Variants in GMDS observed in about 807,000 individuals in gnomAD.
The protein encoded by GMDS is GDP-mannose 4,6 dehydratase.
A neutral mutation model predicts 49.9 loss-of-function variants in GMDS; 20 were observed. That is an observed-to-expected ratio of 0.40 (90% CI 0.28 to 0.58). The LOEUF is 0.58. Ranked by LOEUF, GMDS falls within the 20% of genes least tolerant of loss-of-function variation. The pLI, the probability that GMDS is intolerant of heterozygous loss-of-function variation, is 0.42. For synonymous variants in GMDS, 177 were observed against 178.6 expected (o/e 0.99, Z 0.07); for missense variants, 362 against 481.4 (o/e 0.75, Z 2.32).
At chr6:2,117,637 A>G (rs915235687) in intron 2 of GMDS, 81 bp from the exon 3 acceptor site, 2 of 777,300 alleles carry the variant, frequency 2.6e-6, no homozygotes, top group African/African-American at 1.7e-5. Context: ...AGCTTTATGA[A>G]AAAAATGATT....
Position 1,836,217 on chromosome 6 carries a change from T to C in GMDS, c.772-93631A>G, listed in dbSNP as rs1286912683. The stretch of plus-strand genomic sequence containing the variant: ...TTTTTGATTCACTAGTATCTTGTCA[T>C]GCCTGATAGTCTCTTTTAAAGTCTC... On this transcript the variant is annotated intron_variant, in intron 7 of 10. Coordinates refer to ENST00000380815, the MANE Select transcript of GMDS (RefSeq NM_001500.4). The surrounding 1 kb of genome is among the most constrained non-coding windows in gnomAD (Gnocchi z 4.2). Among the ~76,000 whole-genome samples the C allele has an allele frequency of 6.6e-6, 1 of 152,218 alleles. No homozygotes were observed. Among genetic ancestry groups the C allele is most frequent in the Non-Finnish European group, 1.5e-5 (1 of 68,024 alleles).
chr6:2,135,227 T>G (rs1406090424), intron 1 of GMDS, among the ~76,000 whole-genome samples: 1 of 152,170 alleles, frequency 6.6e-6, no homozygotes, highest in East Asian at 1.9e-4. Flanking sequence ...AAAATAATAT[T>G]TCAAATTTAA....
intron 9 of GMDS, among the ~76,000 whole-genome samples, chr6:1,717,339 G>C (rs2113411813): frequency 6.6e-6 from 1 of 152,356 alleles, no homozygotes; most frequent in East Asian, 1.9e-4. Flanking sequence ...GGTTTTTGCA[G>C]ACAGGTTTCC....
At chr6:1,670,967 T>C (rs1459650178) in intron 9 of GMDS, among the ~76,000 whole-genome samples, 1 of 152,244 alleles carries the variant, frequency 6.6e-6, no homozygotes, top group African/African-American at 2.4e-5. Context: ...AGAGTTTTGC[T>C]GTCACCTCAT....
At chr6:1,728,635 G>A (rs1463789523) in intron 8 of GMDS, among the ~76,000 whole-genome samples, 3 of 152,114 alleles carry the variant, frequency 2.0e-5, no homozygotes, top group African/African-American at 4.8e-5. Context: ...TATTTAAATC[G>A]ACAAAGCCTT....
intron 7 of GMDS, among the ~76,000 whole-genome samples, chr6:1,783,079 T>C (rs1159252640): frequency 6.6e-6 from 1 of 152,094 alleles, no homozygotes; most frequent in Non-Finnish European, 1.5e-5. Flanking sequence ...CACTCGAGCC[T>C]GGGAGGTCAA....
chr6:1,759,046 T>C (rs1399739593), intron 7 of GMDS, among the ~76,000 whole-genome samples: 4 of 152,074 alleles, frequency 2.6e-5, no homozygotes, highest in Non-Finnish European at 4.4e-5. Context: ...CCTCAGCCTC[T>C]AGAGTAGCTG....
At chr6:1,675,919 G>A (rs1217376813) in intron 9 of GMDS, among the ~76,000 whole-genome samples, 2 of 150,872 alleles carry the variant, frequency 1.3e-5, no homozygotes, top group Non-Finnish European at 2.9e-5. Context: ...TACCATCAGA[G>A]AATACTATAA....
chr6:1,921,850 G>C (rs2146919), intron 7 of GMDS, among the ~76,000 whole-genome samples: 16,386 of 152,180 alleles, frequency 0.11, 942 homozygotes, highest in South Asian at 0.18. Context: ...TTTTCAAAGA[G>C]AGTATATTAA....
intron 1 of GMDS, among the ~76,000 whole-genome samples, chr6:2,166,122 C>T (rs546389055): frequency 1.3e-5 from 2 of 152,142 alleles, no homozygotes; most frequent in African/African-American, 2.4e-5. Context: ...AAACAGAGAA[C>T]GTGAGCATTC....
chr6:1,765,503 G>A (rs1255419283), intron 7 of GMDS, among the ~76,000 whole-genome samples: 3 of 152,160 alleles, frequency 2.0e-5, no homozygotes, highest in Non-Finnish European at 2.9e-5. Context: ...ATATTCATTC[G>A]CATTGTTTCA....
At chr6:1,720,810 G>A (rs1766357595) in intron 9 of GMDS, among the ~76,000 whole-genome samples, 1 of 152,164 alleles carries the variant, frequency 6.6e-6, no homozygotes, top group Non-Finnish European at 1.5e-5. Context: ...AGGTCAGAAG[G>A]AGCAGGAGCG....
At chr6:2,126,691 G>A (rs1470120865) in intron 1 of GMDS, among the ~76,000 whole-genome samples, 1 of 152,144 alleles carries the variant, frequency 6.6e-6, no homozygotes, top group Non-Finnish European at 1.5e-5. Flanking sequence ...CCGGAGTGCA[G>A]TGCTGTTATC....
At position 2,090,334 on chromosome 6, in the gene GMDS, C is replaced by T. The variant is rs150681183; in HGVS notation, c.345+25437G>A. On this transcript the variant is annotated intron_variant, in intron 4 of 10. Coordinates refer to ENST00000380815, the MANE Select transcript of GMDS (RefSeq NM_001500.4). ...AGTAGGAAACATGTATAAGAAATTC[C>T]TATACTTCGGAAAGAAATCAGTATC... Among the ~76,000 whole-genome samples, 605 of 152,246 alleles carry T rather than the reference C, an allele frequency of 4.0e-3. 3 individuals carry two copies. The highest frequency in any genetic ancestry group is 6.5e-3 in the Non-Finnish European group (440 of 68,008).
rs1763746864 is a variant in GMDS, at chr6:1,652,708, A to AATATAT, written c.988-28169_988-28168insATATAT. Among the ~76,000 whole-genome samples, 3 of 34,740 alleles carry AATATAT rather than the reference A, an allele frequency of 8.6e-5. 1 individual carries two copies. The highest frequency in any genetic ancestry group is 3.2e-4 in the African/African-American group (3 of 9,380). The allele number at this position is 34,740 out of a possible 152,430, so 22.8% of individuals were successfully genotyped here. On this transcript the variant is annotated intron_variant, in intron 9 of 10. Coordinates refer to ENST00000380815, the MANE Select transcript of GMDS (RefSeq NM_001500.4). ...TTTATATATAATATATTATATATAT[A>AATATAT]TATATATATATAGAGAGAGAGAGAG...
chr6:1,753,703 C>A (rs1767826319), intron 7 of GMDS, among the ~76,000 whole-genome samples: 1 of 152,148 alleles, frequency 6.6e-6, no homozygotes, highest in Admixed American at 6.5e-5. Flanking sequence ...ACAGTGCAAT[C>A]AAATTAAAAC....
intron 4 of GMDS, among the ~76,000 whole-genome samples, chr6:2,005,032 C>T (rs568052530): frequency 4.6e-5 from 7 of 152,154 alleles, no homozygotes; most frequent in Non-Finnish European, 8.8e-5. Context: ...GTCAGAGCTT[C>T]TCAAGTACTT....
intron 7 of GMDS, among the ~76,000 whole-genome samples, chr6:1,904,484 A>G (rs1376782108): frequency 6.6e-6 from 1 of 152,226 alleles, no homozygotes; most frequent in Admixed American, 6.5e-5. Flanking sequence ...GGCAGACAGA[A>G]TAAGTCAAAA....
chr6:2,062,049 T>C (rs1394714004), intron 4 of GMDS, among the ~76,000 whole-genome samples: 3 of 152,182 alleles, frequency 2.0e-5, no homozygotes, highest in African/African-American at 7.2e-5. Flanking sequence ...GAGAACTATA[T>C]GTTAATCATT....
Sources: gnomAD v4.1 joint callset for allele counts (sites outside exome capture counted in the v4.1 genomes callset) on GRCh38, gnomAD v4.1.1 for gene constraint, Gnocchi (gnomAD v3.1) non-coding constraint, MANE v1.5 for transcripts, NCBI Gene and HGNC (gene_info 2026-07-23, HGNC 2026-07-21) for gene names.